ZFP64: variants seen among roughly 807,000 people sequenced by gnomAD.
ZFP64 encodes zinc finger protein 64.
Under a neutral mutation model 51.6 loss-of-function variants are expected in ZFP64, and 14 were observed. The ratio of observed to expected loss-of-function variants is 0.27; its 90% CI spans 0.18 to 0.42. ZFP64 has a LOEUF of 0.42. Ranked by LOEUF, ZFP64 falls within the 10% of genes least tolerant of loss-of-function variation. The probability of loss-of-function intolerance (pLI) is 1.00; values close to 1 mark genes in which losing one functional copy is unlikely to be tolerated. For synonymous variants in ZFP64, 375 were observed against 361.4 expected, an observed-to-expected ratio of 1.04 and a Z score of -0.43; for missense variants, 754 against 906.8, an observed-to-expected ratio of 0.83 and a Z score of 2.16.
At chr20:52,145,937 TA>T (rs1980503301) in intron 5 of ZFP64, among the ~76,000 whole-genome samples, 1 of 152,250 alleles carries the variant, frequency 6.6e-6, no homozygotes, top group African/African-American at 2.4e-5. Context: ...GTATTAATTA[TA>T]TTTTGACTTA....
intron 5 of ZFP64, among the ~76,000 whole-genome samples, chr20:52,117,159 A>C (rs892645299): frequency 3.3e-5 from 5 of 152,200 alleles, no homozygotes; most frequent in African/African-American, 1.2e-4. Context: ...TCACATGTGA[A>C]AGTTTCTGTA....
intron 2 of ZFP64, among the ~76,000 whole-genome samples, chr20:52,172,583 G>A (rs981722812): frequency 6.6e-6 from 1 of 151,952 alleles, no homozygotes; most frequent in African/African-American, 2.4e-5. Context: ...CTGCTGAGGC[G>A]GGATGACTCA....
intron 2 of ZFP64, chr20:52,175,864 G>GGGCC: frequency 1.5e-4 from 39 of 256,880 alleles, no homozygotes; most frequent in Middle Eastern, 1.9e-3. Flanking sequence ...CCCCGCTGCC[G>GGGCC]CCCCCGCCCC....
At chr20:52,138,079 C>T (rs1004228451) in intron 5 of ZFP64, among the ~76,000 whole-genome samples, 1 of 151,760 alleles carries the variant, frequency 6.6e-6, no homozygotes, top group Non-Finnish European at 1.5e-5. Context: ...TGGAGGCACA[C>T]ATCTGGAGTC....
chr20:52,085,268 T>C lies in ZFP64; in HGVS notation c.1229-2A>G. 2 of 1,606,732 alleles carry C rather than the reference T, an allele frequency of 1.2e-6. No individual in the cohort carries two copies. Among genetic ancestry groups the C allele is most frequent in the Non-Finnish European group, 8.5e-7 (1 of 1,175,512 alleles). ...GCCAGCACTGGAAGGGGGTATCCCCTAGCAATGGAAGGTGTGTTTCCATTA... is the reference window on the plus strand; with the variant it reads ...GCCAGCACTGGAAGGGGGTATCCCCCAGCAATGGAAGGTGTGTTTCCATTA... On this transcript the variant is annotated splice_acceptor_variant, in intron 8 of 8. Coordinates refer to the ZFP64 transcript ENST00000361387. LOFTEE classifies it high-confidence loss of function. This position sits in a 1 kb window ranked among gnomAD's most constrained non-coding sequence, Gnocchi z 4.3.
chr20:52,144,602 A>AAAAAAAAAAG (rs1980431158), intron 5 of ZFP64, among the ~76,000 whole-genome samples: 2 of 145,126 alleles, frequency 1.4e-5, no homozygotes, highest in Non-Finnish European at 3.0e-5. Context: ...AAAAAAAAAA[A>AAAAAAAAAAG]TGCTGAAAGC....
exon 8 of ZFP64, chr20:52,088,622 T>C: frequency 6.2e-7 from 1 of 1,614,194 alleles, no homozygotes; most frequent in Non-Finnish European, 8.5e-7. Context: ...GTCACAGAAC[T>C]CACACTTGTG....
intron 2 of ZFP64, among the ~76,000 whole-genome samples, chr20:52,170,494 C>T (rs918788277): frequency 4.6e-5 from 7 of 152,066 alleles, no homozygotes; most frequent in East Asian, 1.9e-4. Context: ...GATTCAGGCA[C>T]CCAGGTGCAG....
intron 5 of ZFP64, among the ~76,000 whole-genome samples, chr20:52,138,014 A>AAAAT (rs199839575): frequency 0.026 from 3,531 of 136,586 alleles, 42 homozygotes; most frequent in South Asian, 0.058. Context: ...CATCTTTACA[A>AAAAT]AAATAAATAA....
intron 5 of ZFP64, among the ~76,000 whole-genome samples, chr20:52,117,838 C>G (rs1978960521): frequency 6.6e-6 from 1 of 152,124 alleles, no homozygotes; most frequent in Non-Finnish European, 1.5e-5. Context: ...TTCTGTCACT[C>G]AGGCTGGAGT....
intron 5 of ZFP64, among the ~76,000 whole-genome samples, chr20:52,130,786 A>G (rs1488200997): frequency 6.6e-6 from 1 of 152,096 alleles, no homozygotes; most frequent in African/African-American, 2.4e-5. Flanking sequence ...TTTAAAATAC[A>G]GATTCTCGGC....
chr20:52,105,492 C>T (rs1946151391), intron 5 of ZFP64: 2 of 521,682 alleles, frequency 3.8e-6, no homozygotes, highest in Non-Finnish European at 5.8e-6. Flanking sequence ...AATGCAGACT[C>T]TCGGGCTCTA....
chr20:52,176,307 C>T lies in ZFP64; in HGVS notation c.287-10282G>A, dbSNP rs77689637. Among the ~76,000 whole-genome samples, 1,291 of 152,116 alleles carry T rather than the reference C, an allele frequency of 8.5e-3. 22 individuals are homozygous for T. The highest frequency in any genetic ancestry group is 0.029 in the African/African-American group (1,218 of 41,478). On this transcript the variant is annotated intron_variant, in intron 2 of 5. Coordinates refer to ENST00000216923, the MANE Select transcript of ZFP64 (RefSeq NM_018197.3). ...CTCAGGTTTGGTGTGGACTTTCCTT[C>T]TGAACAAAGAAGACATAAACTTTGG... is the stretch of plus-strand genomic sequence containing the variant.
chr20:52,150,786 C>T (rs771227152), downstream of ZFP64, among the ~76,000 whole-genome samples: 1 of 152,206 alleles, frequency 6.6e-6, no homozygotes, highest in Non-Finnish European at 1.5e-5. Context: ...CTATTACAAC[C>T]TTACAGAATG....
chr20:52,164,330 C>T (rs745625529), intron 4 of ZFP64, among the ~76,000 whole-genome samples: 4 of 152,114 alleles, frequency 2.6e-5, no homozygotes, highest in Non-Finnish European at 5.9e-5. Context: ...TCCCCTTATT[C>T]CTCTCTTTAC....
intron 1 of ZFP64, among the ~76,000 whole-genome samples, 193 bp from the exon 2 acceptor site, chr20:52,187,264 A>C (rs1248339001): frequency 6.6e-6 from 1 of 152,100 alleles, no homozygotes; most frequent in African/African-American, 2.4e-5. Flanking sequence ...ATATTTCCAC[A>C]CAGAGATTTC....
At chr20:52,132,684 A>T (rs1237080286) in intron 5 of ZFP64, among the ~76,000 whole-genome samples, 4 of 152,214 alleles carry the variant, frequency 2.6e-5, no homozygotes, top group African/African-American at 9.6e-5. Context: ...TGAACAGATC[A>T]TTAACAAGTA....
At chr20:52,140,375 A>G (rs1980196907) in intron 5 of ZFP64, among the ~76,000 whole-genome samples, 1 of 152,224 alleles carries the variant, frequency 6.6e-6, no homozygotes, top group South Asian at 2.1e-4. Context: ...CAAGTTGTGA[A>G]TGCAAAGGAA....
At chr20:52,121,207 G>A (rs1478850719) in intron 5 of ZFP64, among the ~76,000 whole-genome samples, 1 of 152,166 alleles carries the variant, frequency 6.6e-6, no homozygotes, top group East Asian at 1.9e-4. Flanking sequence ...CATGTGAAAG[G>A]GAGGGTGGTG....
Sources: allele counts gnomAD v4.1 joint callset (sites outside exome capture counted in the v4.1 genomes callset), GRCh38; gene constraint gnomAD v4.1.1; non-coding constraint Gnocchi (gnomAD v3.1); transcripts MANE v1.5; gene names NCBI Gene and HGNC (gene_info 2026-07-23, HGNC 2026-07-21).